Variants in SLC35A5 observed in about 807,000 individuals in gnomAD.
SLC35A5 encodes UDP-sugar transporter protein SLC35A5.
SLC35A5 carries 28 observed loss-of-function variants against 36.3 expected under a neutral mutation model. The observed-to-expected ratio is 0.77, with a 90% CI of 0.57 to 1.06. The LOEUF is 1.06. Ranked by LOEUF, SLC35A5 falls within the 50% of genes least tolerant of loss-of-function variation. The pLI is 0.00. For missense variants in SLC35A5, 521 were observed against 499.3 expected (o/e 1.04, Z -0.41); for synonymous variants, 180 against 173.7 (o/e 1.04, Z -0.29).
In SLC35A5 at chr3:112,574,017, T is replaced by C. The variant is rs188246209; in HGVS notation, c.428+61T>C. The C allele has an allele frequency of 3.4e-4, 484 of 1,411,246 alleles. 3 individuals are homozygous for C. The African/African-American group carries it at 6.0e-3, about 18-fold the overall frequency. 87.4% of individuals were successfully genotyped at this position (1,411,246 alleles called of 1,614,324 possible). A position where few individuals can be genotyped will look rare whatever the true frequency, so the allele number is the denominator to read the frequency against. ...TAAAATAACATAGCCCGGTTTCAAA[T>C]GATATACCCAGAACACTGAGCCGTC... On this transcript the variant is annotated intron_variant, in intron 5 of 6. Transcript: ENST00000492406.
Position 112,583,434 on chromosome 3 carries a change from AT to A in SLC35A5, c.*702del, listed in dbSNP as rs1383293999. 1 of 275,332 alleles carries A rather than the reference AT, an allele frequency of 3.6e-6. No homozygotes were observed. Among genetic ancestry groups the A allele is most frequent in the East Asian group, 6.0e-5 (1 of 16,696 alleles). 17.1% of individuals were successfully genotyped at this position (275,332 alleles called of 1,614,324 possible). On this transcript the variant is annotated 3_prime_UTR_variant, in exon 7 of 7. Transcript: ENST00000492406. ...CCTAGTCACCATAGTTACCACTTGT[AT>A]TTTAAGTCATTTAAACAAGCCACGG...
rs903321712 is a variant in SLC35A5 at position 112,576,252 on chromosome 3, C to G, written c.428+2296C>G. On this transcript the variant is annotated intron_variant, in intron 5 of 6. Coordinates refer to ENST00000492406, the MANE Select transcript of SLC35A5 (RefSeq NM_017945.5). Reference sequence around the variant, plus strand: ...AAGTGATTCCCCTGCCTCAGCCTCCCCAGTAGCTGGTGTTACAGGCACGTG... The same window carrying G: ...AAGTGATTCCCCTGCCTCAGCCTCCGCAGTAGCTGGTGTTACAGGCACGTG... 5.3e-5 allele frequency among the ~76,000 whole-genome samples: 8 copies of G among 152,138 alleles called. No homozygotes were observed. In the South Asian group the frequency reaches 1.5e-3, roughly 28 times the overall value.
At chr3:112,569,818 C>T (rs893777160) in intron 3 of SLC35A5, among the ~76,000 whole-genome samples, 7 of 152,188 alleles carry the variant, frequency 4.6e-5, no homozygotes, top group Non-Finnish European at 8.8e-5. Flanking sequence ...CTTAGTTCCC[C>T]AATTATTGCG....
chr3:112,581,020 C>G lies in SLC35A5; in HGVS notation c.903C>G (p.Gly301=). The change falls in exon 6 of 7, where the codon GGC becomes GGG. Residue 301 remains glycine, a synonymous_variant. Transcript: ENST00000492406. ...DQIKNCGFFY[G]HSAFSVALIF... is the part of the protein sequence containing the mutation. ...TTAAGAACTGTGGATTTTTTTATGG[C>G]CACAGTGCATTTTCAGTAGCCCTTA... 1 of 1,614,056 alleles carries G rather than the reference C, an allele frequency of 6.2e-7. No homozygotes were observed. The highest frequency in any genetic ancestry group is 8.5e-7 in the Non-Finnish European group (1 of 1,179,956).
At chr3:112,576,624 A>G (rs1215948536) in intron 5 of SLC35A5, among the ~76,000 whole-genome samples, 1 of 152,162 alleles carries the variant, frequency 6.6e-6, no homozygotes, top group Non-Finnish European at 1.5e-5. Flanking sequence ...TAGATTCCTC[A>G]TATGAATAGA....
Position 112,583,252 on chromosome 3 carries a change from ACCTGG to A in SLC35A5, c.*519_*523del. 2.5e-6 allele frequency: 1 copy of A among 396,478 alleles called. No homozygotes were observed. The highest frequency in any genetic ancestry group is 6.4e-4 in the Middle Eastern group (1 of 1,572). 24.6% of individuals were successfully genotyped at this position (396,478 alleles called of 1,614,324 possible). A position where few individuals can be genotyped will look rare whatever the true frequency, so the allele number is the denominator to read the frequency against. ...AAAACGTTGGTTGAAGGACCTAAATACCTGGCCATACCATAGATTTGGGATGATGT... is the reference window on the plus strand; with the variant it reads ...AAAACGTTGGTTGAAGGACCTAAATACCATACCATAGATTTGGGATGATGT... On this transcript the variant is annotated 3_prime_UTR_variant, in exon 7 of 7. Transcript: ENST00000492406.
intron 5 of SLC35A5, among the ~76,000 whole-genome samples, chr3:112,576,008 C>T (rs1934653653): frequency 6.6e-6 from 1 of 152,138 alleles, no homozygotes; most frequent in East Asian, 1.9e-4. Flanking sequence ...GATCTGCCCA[C>T]CTTGGCCTCC....
intron 4 of SLC35A5, among the ~76,000 whole-genome samples, chr3:112,571,381 C>T (rs1474859521): frequency 1.3e-5 from 2 of 152,234 alleles, no homozygotes; most frequent in South Asian, 4.1e-4. Context: ...ATTTCTATTG[C>T]CTTTATTGCC....
intron 2 of SLC35A5, among the ~76,000 whole-genome samples, chr3:112,568,656 T>C (rs1934303552): frequency 6.6e-6 from 1 of 152,124 alleles, no homozygotes; most frequent in Admixed American, 6.5e-5. Flanking sequence ...TATCCCAGAG[T>C]GCCAAACAAA....
At chr3:112,562,794 T>G (rs1933988830) in intron 1 of SLC35A5, among the ~76,000 whole-genome samples, 1 of 152,226 alleles carries the variant, frequency 6.6e-6, no homozygotes, top group Admixed American at 6.5e-5. Context: ...CCGGGCGCGG[T>G]GGCTCACGCC....
Position 112,583,846 on chromosome 3 carries a change from A to G in SLC35A5, c.*1110A>G, listed in dbSNP as rs984842263. ...ATGCAGCCAGTTAACTCTCGTAGAT[A>G]GAGAAGTCAGGTGATAGATGATATT... is the stretch of plus-strand genomic sequence containing the variant. On this transcript the variant is annotated 3_prime_UTR_variant, in exon 7 of 7. Coordinates refer to ENST00000492406, the MANE Select transcript of SLC35A5 (RefSeq NM_017945.5). 7 of 152,156 alleles carry G rather than the reference A, an allele frequency of 4.6e-5. No individual in the cohort carries two copies. Among genetic ancestry groups the G allele is most frequent in the African/African-American group, 1.7e-4 (7 of 41,448 alleles). 9.4% of individuals were successfully genotyped at this position (152,156 alleles called of 1,614,324 possible).
intron 1 of SLC35A5, 79 bp downstream of exon 1, chr3:112,562,352 T>C (rs1933953517): frequency 6.6e-6 from 1 of 152,312 alleles, no homozygotes; most frequent in African/African-American, 2.4e-5. Context: ...ACTGCGCATG[T>C]GTGACTAGAA....
chr3:112,567,734 A>T (rs1248821346), intron 2 of SLC35A5, among the ~76,000 whole-genome samples: 1 of 152,228 alleles, frequency 6.6e-6, no homozygotes, highest in Non-Finnish European at 1.5e-5. Context: ...GTGTGGAGGG[A>T]AATCACATAC....
intron 2 of SLC35A5, among the ~76,000 whole-genome samples, chr3:112,565,815 A>G (rs1032079033): frequency 9.9e-5 from 15 of 152,150 alleles, no homozygotes; most frequent in African/African-American, 2.9e-4. Context: ...AAGAAAGAGA[A>G]GGAGTGGTTG....
At chr3:112,561,367 C>A, upstream of SLC35A5, 1 of 1,383,516 alleles carries the variant, frequency 7.2e-7, no homozygotes, top group Non-Finnish European at 1.0e-6. Flanking sequence ...CACCTTGCCC[C>A]GCCGGAGAAA....
chr3:112,576,140 G>A (rs1934662371), intron 5 of SLC35A5, among the ~76,000 whole-genome samples: 1 of 149,632 alleles, frequency 6.7e-6, no homozygotes, highest in Non-Finnish European at 1.5e-5. Context: ...TTTTGGCAGT[G>A]GGGGTGGGTA....
intron 2 of SLC35A5, 138 bp downstream of exon 2, chr3:112,563,671 G>C (rs1200428928): frequency 2.1e-6 from 2 of 954,940 alleles, no homozygotes; most frequent in African/African-American, 3.4e-5. Context: ...ATTTAAATTT[G>C]ATTATTTAAC....
intron 2 of SLC35A5, among the ~76,000 whole-genome samples, chr3:112,568,029 G>A (rs1208309266): frequency 6.6e-6 from 1 of 152,182 alleles, no homozygotes; most frequent in African/African-American, 2.4e-5. Flanking sequence ...TTTAAATTCA[G>A]GTGAACATTT....
rs1414822266 is a variant in SLC35A5 at position 112,584,963 on chromosome 3, CACTTATAAGT to C, written c.*2228_*2237del. On this transcript the variant is annotated 3_prime_UTR_variant, in exon 7 of 7. Coordinates refer to ENST00000492406, the MANE Select transcript of SLC35A5 (RefSeq NM_017945.5). ...CAGAAAATCAAATACCACATGTTCTCACTTATAAGTGGGAGCTAAACAGTGGGTACATGTG... is the reference window on the plus strand; with the variant it reads ...CAGAAAATCAAATACCACATGTTCTCGGGAGCTAAACAGTGGGTACATGTG... The C allele has an allele frequency of 6.6e-6, 1 of 152,146 alleles. No homozygotes were observed. Among genetic ancestry groups the C allele is most frequent in the Non-Finnish European group, 1.5e-5 (1 of 68,024 alleles). 9.4% of individuals were successfully genotyped at this position (152,146 alleles called of 1,614,324 possible). A position where few individuals can be genotyped will look rare whatever the true frequency, so the allele number is the denominator to read the frequency against.
Sources: gnomAD v4.1 joint callset for allele counts (sites outside exome capture counted in the v4.1 genomes callset) on GRCh38, gnomAD v4.1.1 for gene constraint, MANE v1.5 for transcripts, NCBI Gene and HGNC (gene_info 2026-07-23, HGNC 2026-07-21) for gene names.